Variants in NCOA1 observed in about 807,000 individuals in gnomAD.
The protein encoded by NCOA1 is nuclear receptor coactivator 1.
Under a neutral mutation model 150.9 loss-of-function variants are expected in NCOA1, and 35 were observed. That is an observed-to-expected ratio of 0.23 (90% CI 0.18 to 0.31). NCOA1 has a LOEUF of 0.31. Among genes scored for constraint, NCOA1 ranks in the 10% least tolerant of loss-of-function variants. The pLI, the probability that NCOA1 is intolerant of heterozygous loss-of-function variation, is 1.00. For missense variants in NCOA1, 1,491 were observed against 1,749.3 expected (o/e 0.85, Z 2.63); for synonymous variants, 590 against 630.0 (o/e 0.94, Z 0.95).
intron 3 of NCOA1, among the ~76,000 whole-genome samples, chr2:24,598,732 A>C (rs1667984759): frequency 2.0e-5 from 3 of 152,164 alleles, no homozygotes; most frequent in African/African-American, 7.2e-5. Flanking sequence ...GAAGAGATTA[A>C]ATGAAAACAT....
At position 24,693,309 on chromosome 2, in the gene NCOA1, C is replaced by T. The variant is rs749644300; in HGVS notation, c.770C>T (p.Thr257Met). The T allele has an allele frequency of 1.4e-5, 23 of 1,613,996 alleles. 1 individual carries two copies. Among genetic ancestry groups the T allele is most frequent in the East Asian group, 4.5e-5 (2 of 44,898 alleles). The change falls in exon 10 of 23, where the codon ACG becomes ATG. Residue 257 changes from threonine (T) to methionine (M), a missense_variant. Thr to Met is a moderately conservative substitution (Grantham distance 81, BLOSUM62 -1). Around this residue, in one of 8 missense-constraint regions of NCOA1, gnomAD observed 99 missense variants for 122.8 expected, o/e 0.81. Transcript: ENST00000348332. ...CGATTACCTCGGCCTCCAGCTATTA[C>T]GGGTGTAGAATCCTTTATGACCAAG... ...ARRLPRPPAITGVESFMTKQD... is the reference protein window; with the variant it reads ...ARRLPRPPAIMGVESFMTKQD...
chr2:24,707,998 C>A, intron 13 of NCOA1, 110 bp downstream of exon 13: 1 of 1,335,230 alleles, frequency 7.5e-7, no homozygotes. Flanking sequence ...TTATCCTATC[C>A]ATTGGGCATA....
chr2:24,535,723 G>C (rs1370558898), intron 1 of NCOA1, among the ~76,000 whole-genome samples: 5 of 152,240 alleles, frequency 3.3e-5, no homozygotes, highest in African/African-American at 1.2e-4. Flanking sequence ...TAGTTTGGCT[G>C]GATATGAAAT....
intron 20 of NCOA1, among the ~76,000 whole-genome samples, chr2:24,757,317 G>A (rs1664551797): frequency 6.6e-6 from 1 of 152,084 alleles, no homozygotes; most frequent in Non-Finnish European, 1.5e-5. Context: ...CACTTCACTG[G>A]CACAGATACA....
Position 24,689,913 on chromosome 2 carries a change from T to C in NCOA1, c.533-1568T>C, listed in dbSNP as rs200029499. ...GGGAGGACCTTGGACAGAAATCCTATATAACTAAACCAGACATGCATATAA... is the reference window on the plus strand; with the variant it reads ...GGGAGGACCTTGGACAGAAATCCTACATAACTAAACCAGACATGCATATAA... On this transcript the variant is annotated intron_variant, in intron 8 of 22. Transcript: ENST00000348332. Among the ~76,000 whole-genome samples the C allele has an allele frequency of 3.2e-4, 49 of 152,302 alleles. 1 individual carries two copies. The East Asian group carries it at 8.1e-3, about 25-fold the overall frequency.
chr2:24,752,770 A>G (rs1664314650), intron 20 of NCOA1, among the ~76,000 whole-genome samples: 1 of 152,216 alleles, frequency 6.6e-6, no homozygotes. Flanking sequence ...GATGTATTTA[A>G]AGACTTTATA....
chr2:24,766,544 G>A (rs1156704496), intron 22 of NCOA1, among the ~76,000 whole-genome samples: 3 of 152,112 alleles, frequency 2.0e-5, no homozygotes, highest in Non-Finnish European at 4.4e-5. Context: ...CAGAAAGGGA[G>A]AAGAAAAAGA....
intron 6 of NCOA1, among the ~76,000 whole-genome samples, chr2:24,670,037 C>T (rs1227190372): frequency 6.6e-6 from 1 of 152,068 alleles, no homozygotes; most frequent in South Asian, 2.1e-4. Context: ...ATTCGGGAGA[C>T]CAAGGTGGGA....
Position 24,752,095 on chromosome 2 carries a change from G to A in NCOA1, c.3820G>A (p.Ala1274Thr), listed in dbSNP as rs1664278991. 1.2e-6 allele frequency: 2 copies of A among 1,614,042 alleles called. No homozygotes were observed. The highest frequency in any genetic ancestry group is 1.7e-6 in the Non-Finnish European group (2 of 1,180,030). ...QSSLLQQTPPASGYQSPDMKA... is the reference protein window; with the variant it reads ...QSSLLQQTPPTSGYQSPDMKA... ...TTCTCTTCTCCAGCAAACTCCACCTGCCTCCGGGTATCAGTCACCAGACAT... is the reference window on the plus strand; with the variant it reads ...TTCTCTTCTCCAGCAAACTCCACCTACCTCCGGGTATCAGTCACCAGACAT... The change falls in exon 20 of 23, where the codon GCC (alanine) becomes ACC (threonine). Residue 1274 changes from alanine to threonine, a missense_variant. By Grantham distance (58) the Ala-to-Thr change is moderately conservative (BLOSUM62 0). Coordinates refer to ENST00000348332, the MANE Select transcript of NCOA1 (RefSeq NM_003743.5).
intron 12 of NCOA1, among the ~76,000 whole-genome samples, 193 bp from the exon 13 acceptor site, chr2:24,706,375 G>A (rs532957925): frequency 6.6e-6 from 1 of 151,914 alleles, no homozygotes; most frequent in East Asian, 1.9e-4. Context: ...TTATTAAGTG[G>A]TGCTAATATT....
At chr2:24,613,621 G>GT (rs1202041683) in intron 3 of NCOA1, among the ~76,000 whole-genome samples, 2 of 152,156 alleles carry the variant, frequency 1.3e-5, no homozygotes, top group African/African-American at 4.8e-5. Flanking sequence ...GATCTGCCTG[G>GT]GTGCTGCGTA....
intron 1 of NCOA1, among the ~76,000 whole-genome samples, chr2:24,496,786 A>G (rs1278184380): frequency 2.6e-5 from 4 of 152,218 alleles, no homozygotes; most frequent in Admixed American, 6.5e-5. Flanking sequence ...TATGAGAGTT[A>G]CTTTTTGTAT....
intron 15 of NCOA1, 67 bp from the exon 16 acceptor site, chr2:24,728,241 G>A (rs1662798458): frequency 2.2e-6 from 3 of 1,384,266 alleles, no homozygotes; most frequent in South Asian, 1.4e-5. Context: ...ATCTATATAT[G>A]TATATAAAGA....
At chr2:24,595,685 C>G (rs960722429) in intron 3 of NCOA1, among the ~76,000 whole-genome samples, 6 of 151,916 alleles carry the variant, frequency 3.9e-5, no homozygotes, top group Non-Finnish European at 8.8e-5. Context: ...ATGAGGCGTC[C>G]TAATTGGTGT....
At chr2:24,680,962 T>G (rs1238343059) in intron 7 of NCOA1, among the ~76,000 whole-genome samples, 4 of 152,018 alleles carry the variant, frequency 2.6e-5, no homozygotes, top group Non-Finnish European at 5.9e-5. Flanking sequence ...CATTTTTAAA[T>G]CCTACCCACA....
intron 14 of NCOA1, among the ~76,000 whole-genome samples, chr2:24,725,709 G>A (rs1674578539): frequency 1.8e-5 from 1 of 56,718 alleles, no homozygotes; most frequent in South Asian, 6.0e-4. Flanking sequence ...TGGACCTAAA[G>A]TGTGCGTGTG....
chr2:24,541,914 G>C (rs1665415040), intron 1 of NCOA1, among the ~76,000 whole-genome samples: 1 of 152,170 alleles, frequency 6.6e-6, no homozygotes, highest in Non-Finnish European at 1.5e-5. Flanking sequence ...AGTGCAGTGA[G>C]ATTTAAGAGG....
chr2:24,623,373 T>C (rs1669263257), intron 3 of NCOA1, among the ~76,000 whole-genome samples: 1 of 152,254 alleles, frequency 6.6e-6, no homozygotes, highest in Admixed American at 6.5e-5. Context: ...GGATTACCTA[T>C]GGAATTTTTT....
intron 3 of NCOA1, among the ~76,000 whole-genome samples, chr2:24,634,300 A>G (rs1669836729): frequency 6.6e-6 from 1 of 152,164 alleles, no homozygotes; most frequent in Non-Finnish European, 1.5e-5. Flanking sequence ...TAAATATATC[A>G]CAATGTTACT....
Sources: allele counts gnomAD v4.1 joint callset (sites outside exome capture counted in the v4.1 genomes callset), GRCh38; gene constraint gnomAD v4.1.1; regional missense constraint gnomAD v4.1.1; transcripts MANE v1.5; gene names NCBI Gene and HGNC (gene_info 2026-07-23, HGNC 2026-07-21).